The following SMOC1 variants were observed in gnomAD, a reference collection of about 807,000 sequenced individuals.
The protein encoded by SMOC1 is SPARC related modular calcium binding 1.
SMOC1 carries 22 observed loss-of-function variants against 56.3 expected under a neutral mutation model. The observed-to-expected ratio is 0.39, with a 90% confidence interval of 0.28 to 0.56. The LOEUF is 0.56. Ranked by LOEUF, SMOC1 falls within the 20% of genes least tolerant of loss-of-function variation. The pLI is 0.61. For missense variants in SMOC1, 509 were observed against 565.4 expected (o/e 0.90, Z 1.01); for synonymous variants, 193 against 215.0 (o/e 0.90, Z 0.89).
chr14:69,959,974 G>A (rs1276822388), intron 3 of SMOC1, among the ~76,000 whole-genome samples: 1 of 152,224 alleles, frequency 6.6e-6, no homozygotes, highest in Middle Eastern at 3.4e-3. Flanking sequence ...GTATAGAAAC[G>A]CATCTTCCTG....
chr14:69,977,582 G>A (rs1028226540), intron 4 of SMOC1, among the ~76,000 whole-genome samples: 1 of 152,208 alleles, frequency 6.6e-6, no homozygotes, highest in African/African-American at 2.4e-5. Context: ...AAGTTGGGGA[G>A]ATGGGGGTGT....
intron 3 of SMOC1, among the ~76,000 whole-genome samples, chr14:69,957,505 G>C (rs959437816): frequency 6.6e-6 from 1 of 152,112 alleles, no homozygotes; most frequent in African/African-American, 2.4e-5. Flanking sequence ...AATATCCAAG[G>C]CTGTGCTCTT....
chr14:69,954,151 C>T (rs948581830), intron 3 of SMOC1, among the ~76,000 whole-genome samples: 1 of 151,358 alleles, frequency 6.6e-6, no homozygotes, highest in Non-Finnish European at 1.5e-5. Flanking sequence ...GATCTTGGCA[C>T]AGACTATTTC....
intron 1 of SMOC1, among the ~76,000 whole-genome samples, chr14:69,911,709 A>G (rs1884560222): frequency 6.6e-6 from 1 of 152,236 alleles, no homozygotes; most frequent in Non-Finnish European, 1.5e-5. Flanking sequence ...GCTGAGTAGT[A>G]TTCCATGATG....
At chr14:69,890,945 G>C (rs1883944323) in intron 1 of SMOC1, among the ~76,000 whole-genome samples, 3 of 152,088 alleles carry the variant, frequency 2.0e-5, no homozygotes, top group Admixed American at 2.0e-4. Flanking sequence ...TCTGGTGGTG[G>C]TAAAACATGG....
At chr14:69,987,680 G>A (rs866109498) in intron 5 of SMOC1, among the ~76,000 whole-genome samples, 8 of 152,240 alleles carry the variant, frequency 5.3e-5, no homozygotes, top group African/African-American at 9.6e-5. Flanking sequence ...TAGTCTGAGC[G>A]GATCAACATT....
At position 69,882,648 on chromosome 14, in the gene SMOC1, G is replaced by T. The variant is rs1238533609; in HGVS notation, c.99+2871G>T. 2.0e-5 allele frequency among the ~76,000 whole-genome samples: 3 copies of T among 152,110 alleles called. No individual in the cohort carries two copies. The East Asian group carries it at 5.8e-4, about 29-fold the overall frequency. ...GCACAATTTACTGAAAATGTTTCAG[G>T]GGAGGATGGGATGGGGGAGGGGCTC... is the stretch of plus-strand genomic sequence containing the variant. On this transcript the variant is annotated intron_variant, in intron 1 of 11. Coordinates refer to ENST00000361956, the MANE Select transcript of SMOC1 (RefSeq NM_001034852.3).
intron 1 of SMOC1, among the ~76,000 whole-genome samples, chr14:69,910,166 T>A (rs1884519962): frequency 6.6e-6 from 1 of 152,272 alleles, no homozygotes; most frequent in South Asian, 2.1e-4. Context: ...TTAGGTGTTT[T>A]ACATAGACTC....
chr14:69,945,816 G>A (rs1290331297), intron 1 of SMOC1, among the ~76,000 whole-genome samples: 4 of 152,148 alleles, frequency 2.6e-5, no homozygotes, highest in Non-Finnish European at 5.9e-5. Flanking sequence ...CCAAATTGTG[G>A]ACTTCACTCT....
chr14:69,983,397 G>GT (rs1229246884), intron 5 of SMOC1, among the ~76,000 whole-genome samples: 1 of 152,190 alleles, frequency 6.6e-6, no homozygotes, highest in African/African-American at 2.4e-5. Flanking sequence ...GAGTATAACA[G>GT]TACGAGTCCA....
chr14:69,966,794 A>G (rs528714735), intron 3 of SMOC1, among the ~76,000 whole-genome samples: 1 of 152,242 alleles, frequency 6.6e-6, no homozygotes, highest in African/African-American at 2.4e-5. Context: ...AGTTCTAGCT[A>G]TGGGAATTAT....
chr14:69,943,845 A>G (rs942843459), intron 1 of SMOC1, among the ~76,000 whole-genome samples: 2 of 152,208 alleles, frequency 1.3e-5, no homozygotes, highest in Non-Finnish European at 2.9e-5. Flanking sequence ...TCCTGGGGGC[A>G]ACTACTATAG....
rs754097783 is a variant in SMOC1, at chr14:69,887,942, C to T, written c.99+8165C>T. ...TGTCTTTATTCCAACCTCCCCTCAC[C>T]GCCTTTTGCAGGAGCTGGGGGTGGG... On this transcript the variant is annotated intron_variant, in intron 1 of 11. Transcript: ENST00000361956. 8.5e-5 allele frequency among the ~76,000 whole-genome samples: 13 copies of T among 152,134 alleles called. 1 individual carries two copies. The highest frequency in any genetic ancestry group is 4.1e-4 in the South Asian group (2 of 4,828).
Position 69,961,705 on chromosome 14 carries a change from G to C in SMOC1, c.378+8173G>C, listed in dbSNP as rs1018357193. 1.2e-4 allele frequency among the ~76,000 whole-genome samples: 18 copies of C among 152,236 alleles called. No homozygotes were observed. The East Asian group carries it at 3.5e-3, about 29-fold the overall frequency. ...TCCATTTTTTTGGCTGTTATAAATA[G>C]TACTATTGTGAAGATTTGTGTACAT... On this transcript the variant is annotated intron_variant, in intron 3 of 11. Coordinates refer to ENST00000361956, the MANE Select transcript of SMOC1 (RefSeq NM_001034852.3).
chr14:69,975,977 AATG>A (rs529334540), intron 4 of SMOC1, among the ~76,000 whole-genome samples, 163 bp downstream of exon 4: 128 of 152,346 alleles, frequency 8.4e-4, no homozygotes, highest in African/African-American at 3.0e-3. Flanking sequence ...GAAGTCAGCA[AATG>A]ATAAGGCATG....
chr14:69,968,482 T>A (rs1883649659), intron 3 of SMOC1, among the ~76,000 whole-genome samples: 1 of 152,150 alleles, frequency 6.6e-6, no homozygotes, highest in South Asian at 2.1e-4. Context: ...CCAGAGCCCA[T>A]GGCACCCATG....
chr14:69,987,955 C>T (rs893912066), intron 5 of SMOC1, among the ~76,000 whole-genome samples: 1 of 152,192 alleles, frequency 6.6e-6, no homozygotes, highest in Non-Finnish European at 1.5e-5. Flanking sequence ...TGGGGAATCT[C>T]CGGAGGCCAA....
At chr14:69,985,791 G>C (rs1304361568) in intron 5 of SMOC1, among the ~76,000 whole-genome samples, 3 of 151,858 alleles carry the variant, frequency 2.0e-5, no homozygotes, top group Non-Finnish European at 4.4e-5. Context: ...GATGAATACA[G>C]TACAATCAGA....
intron 3 of SMOC1, among the ~76,000 whole-genome samples, chr14:69,954,432 G>A (rs901927616): frequency 1.3e-5 from 2 of 152,166 alleles, no homozygotes; most frequent in Non-Finnish European, 2.9e-5. Flanking sequence ...GCCTCCAAAA[G>A]TGCTAGGATT....
Sources: allele counts gnomAD v4.1 joint callset (sites outside exome capture counted in the v4.1 genomes callset), GRCh38; gene constraint gnomAD v4.1.1; transcripts MANE v1.5; gene names NCBI Gene and HGNC (gene_info 2026-07-23, HGNC 2026-07-21).